The following ROBO1 variants were observed in gnomAD, a reference collection of about 807,000 sequenced individuals.
ROBO1 encodes roundabout guidance receptor 1.
ROBO1 carries 149 observed loss-of-function variants against 195.9 expected under a neutral mutation model. The ratio of observed to expected loss-of-function variants is 0.76; its 90% CI spans 0.67 to 0.87. ROBO1 has a LOEUF of 0.87. Among genes scored for constraint, ROBO1 ranks in the 40% least tolerant of loss-of-function variants. The pLI, the probability that ROBO1 is intolerant of heterozygous loss-of-function variation, is 0.00. For missense variants in ROBO1, 1,933 were observed against 2,068.3 expected, an observed-to-expected ratio of 0.93 and a Z score of 1.27; for synonymous variants, 816 against 733.2, an observed-to-expected ratio of 1.11 and a Z score of -1.82.
intron 2 of ROBO1, among the ~76,000 whole-genome samples, chr3:79,245,614 A>G (rs181174544): frequency 6.6e-6 from 1 of 152,028 alleles, no homozygotes; most frequent in Non-Finnish European, 1.5e-5. Flanking sequence ...TCATGACTCC[A>G]GCAAAGACCC....
intron 4 of ROBO1, among the ~76,000 whole-genome samples, chr3:78,903,427 T>C (rs1338865634): frequency 6.6e-6 from 1 of 151,836 alleles, no homozygotes; most frequent in African/African-American, 2.4e-5. Flanking sequence ...TAAAAGCATG[T>C]GAAAAGAGGG....
chr3:79,720,641 T>C (rs1702655168), intron 1 of ROBO1, among the ~76,000 whole-genome samples: 1 of 152,158 alleles, frequency 6.6e-6, no homozygotes, highest in African/African-American at 2.4e-5. Context: ...GATTTCAAAT[T>C]AGTGAGGAGC....
At chr3:79,442,265 G>A (rs771508546) in intron 2 of ROBO1, among the ~76,000 whole-genome samples, 24 of 152,008 alleles carry the variant, frequency 1.6e-4, no homozygotes, top group Admixed American at 7.2e-4. Context: ...AGCCTGTATT[G>A]AGTAGAGATA....
intron 1 of ROBO1, among the ~76,000 whole-genome samples, chr3:79,728,534 C>A (rs1257542724): frequency 1.3e-5 from 2 of 152,064 alleles, no homozygotes; most frequent in Non-Finnish European, 2.9e-5. Context: ...TGTAAACCAA[C>A]TACAACAAAC....
intron 2 of ROBO1, among the ~76,000 whole-genome samples, chr3:79,249,339 T>C (rs1294834864): frequency 6.6e-6 from 1 of 152,114 alleles, no homozygotes; most frequent in African/African-American, 2.4e-5. Flanking sequence ...TATGCCTAAT[T>C]CCTGACTTAA....
At chr3:78,631,852 G>T (rs1368292652) in intron 24 of ROBO1, among the ~76,000 whole-genome samples, 4 of 152,122 alleles carry the variant, frequency 2.6e-5, no homozygotes, top group African/African-American at 9.7e-5. Context: ...AAAAGAAGCA[G>T]AAAAATGATT....
intron 1 of ROBO1, among the ~76,000 whole-genome samples, chr3:79,696,473 C>T (rs28623230): frequency 7.4e-6 from 1 of 135,814 alleles, no homozygotes; most frequent in Non-Finnish European, 1.7e-5. Context: ...TATATATATA[C>T]ACACACAGGT....
chr3:79,220,684 C>G (rs2108824557), intron 2 of ROBO1, among the ~76,000 whole-genome samples: 1 of 151,964 alleles, frequency 6.6e-6, no homozygotes, highest in Non-Finnish European at 1.5e-5. Flanking sequence ...GACTGTGTAT[C>G]TTCAGAGGAA....
chr3:79,622,490 C>A (rs1373509525), intron 1 of ROBO1, among the ~76,000 whole-genome samples: 1 of 152,214 alleles, frequency 6.6e-6, no homozygotes, highest in Non-Finnish European at 1.5e-5. Context: ...GTGCTTTTCC[C>A]CTGCTGGAGC....
At chr3:79,260,559 T>C (rs2082921255) in intron 2 of ROBO1, among the ~76,000 whole-genome samples, 1 of 152,218 alleles carries the variant, frequency 6.6e-6, no homozygotes, top group Admixed American at 6.5e-5. Context: ...AAGTTTTAAC[T>C]GAGTTTAGCT....
intron 1 of ROBO1, among the ~76,000 whole-genome samples, chr3:79,658,011 T>C (rs896297807): frequency 7.9e-5 from 12 of 152,002 alleles, no homozygotes; most frequent in Non-Finnish European, 1.8e-4. Flanking sequence ...AAAAGATATA[T>C]GGTAATGACA....
chr3:78,757,414 A>G (rs1415269788), intron 4 of ROBO1, among the ~76,000 whole-genome samples: 1 of 143,050 alleles, frequency 7.0e-6, no homozygotes, highest in Non-Finnish European at 1.5e-5. Flanking sequence ...TTTTCTGGGA[A>G]ACAAAGGCAT....
intron 3 of ROBO1, among the ~76,000 whole-genome samples, chr3:78,959,886 T>C (rs2041248142): frequency 6.6e-6 from 1 of 152,224 alleles, no homozygotes; most frequent in African/African-American, 2.4e-5. Flanking sequence ...TGGGGTTAGC[T>C]TGGAGGTTGA....
At chr3:79,307,964 A>G (rs1651890655) in intron 2 of ROBO1, among the ~76,000 whole-genome samples, 1 of 152,134 alleles carries the variant, frequency 6.6e-6, no homozygotes, top group South Asian at 2.1e-4. Context: ...GTTTTCTTTT[A>G]TTATCTTCAT....
intron 21 of ROBO1, among the ~76,000 whole-genome samples, chr3:78,640,307 T>G (rs929850565): frequency 6.6e-6 from 1 of 152,202 alleles, no homozygotes; most frequent in Admixed American, 6.5e-5. Context: ...TCCTTACAAC[T>G]TCATTAAAAA....
intron 8 of ROBO1, among the ~76,000 whole-genome samples, chr3:78,704,405 C>T (rs991342286): frequency 1.3e-5 from 2 of 151,890 alleles, no homozygotes; most frequent in African/African-American, 4.8e-5. Flanking sequence ...ACATAGTGAA[C>T]TCTATTTATG....
intron 2 of ROBO1, among the ~76,000 whole-genome samples, chr3:79,215,889 A>G (rs1013125390): frequency 1.3e-5 from 2 of 152,224 alleles, no homozygotes; most frequent in African/African-American, 4.8e-5. Flanking sequence ...AGAACATTAC[A>G]TTAAATAAAT....
At chr3:79,188,587 A>T (rs938118462) in intron 2 of ROBO1, among the ~76,000 whole-genome samples, 6 of 151,606 alleles carry the variant, frequency 4.0e-5, no homozygotes, top group African/African-American at 1.5e-4. Flanking sequence ...TTCTGTTTGT[A>T]AAAAGGGAGT....
At chr3:79,265,122 A>C (rs2083015109) in intron 2 of ROBO1, among the ~76,000 whole-genome samples, 2 of 151,802 alleles carry the variant, frequency 1.3e-5, no homozygotes, top group African/African-American at 4.8e-5. Context: ...AAATTACTTC[A>C]TAGAGTTTTG....
Sources: allele counts gnomAD v4.1 joint callset (sites outside exome capture counted in the v4.1 genomes callset), GRCh38; gene constraint gnomAD v4.1.1; transcripts MANE v1.5; gene names NCBI Gene and HGNC (gene_info 2026-07-23, HGNC 2026-07-21).